The following TRABD2B variants were observed in gnomAD, a reference collection of about 807,000 sequenced individuals.
The protein encoded by TRABD2B is TraB domain containing 2B, also known as metalloprotease TIKI2.
TRABD2B carries 14 observed loss-of-function variants against 40.1 expected under a neutral mutation model. That is an observed-to-expected ratio of 0.35 (90% CI 0.23 to 0.55). The LOEUF (loss-of-function observed/expected upper bound fraction) is 0.55. TRABD2B is among the 20% of genes least tolerant of loss of function. TRABD2B has a pLI of 0.90. For synonymous variants in TRABD2B, 263 were observed against 277.0 expected (o/e 0.95, Z 0.50); for missense variants, 541 against 648.6 (o/e 0.83, Z 1.80).
At chr1:47,979,059 G>A (rs1351025985) in intron 2 of TRABD2B, among the ~76,000 whole-genome samples, 2 of 152,226 alleles carry the variant, frequency 1.3e-5, no homozygotes, top group African/African-American at 4.8e-5. Flanking sequence ...GTCAGAGCAC[G>A]AGGCTGAGAA....
At chr1:47,856,121 C>G (rs1643887330) in intron 2 of TRABD2B, among the ~76,000 whole-genome samples, 1 of 152,184 alleles carries the variant, frequency 6.6e-6, no homozygotes, top group African/African-American at 2.4e-5. Flanking sequence ...AAAGAAAGGC[C>G]CCTGAAATGC....
In TRABD2B at chr1:47,827,276, A is replaced by G. The variant is rs1210359713; in HGVS notation, c.667-25657T>C. 3.3e-5 allele frequency among the ~76,000 whole-genome samples: 5 copies of G among 152,378 alleles called. No individual in the cohort carries two copies. In the South Asian group the frequency reaches 8.3e-4, roughly 25 times the overall value. On this transcript the variant is annotated intron_variant, in intron 2 of 6. Coordinates refer to ENST00000606738, the MANE Select transcript of TRABD2B (RefSeq NM_001194986.2). ...AGGGCTCCGGAAACATGAATGCATCAGGGAAATCTGCAGGCAGTGCCGAAG... is the reference window on the plus strand; with the variant it reads ...AGGGCTCCGGAAACATGAATGCATCGGGGAAATCTGCAGGCAGTGCCGAAG...
At chr1:47,892,995 C>G (rs1392473306) in intron 2 of TRABD2B, among the ~76,000 whole-genome samples, 1 of 152,156 alleles carries the variant, frequency 6.6e-6, no homozygotes, top group Non-Finnish European at 1.5e-5. Context: ...GTGATTTATA[C>G]ACATTACAGA....
chr1:47,801,821 A>G, intron 2 of TRABD2B, among the ~76,000 whole-genome samples: 1 of 152,022 alleles, frequency 6.6e-6, no homozygotes, highest in East Asian at 1.9e-4. Context: ...GCCTGCTCTC[A>G]CCTCCAGCCC....
intron 2 of TRABD2B, among the ~76,000 whole-genome samples, chr1:47,932,975 T>C (rs1230628710): frequency 6.6e-6 from 1 of 152,160 alleles, no homozygotes; most frequent in East Asian, 1.9e-4. Flanking sequence ...GCAAACCTCT[T>C]TGAGTCTGAG....
chr1:47,775,942 G>A (rs1361686473), intron 5 of TRABD2B, among the ~76,000 whole-genome samples: 1 of 152,028 alleles, frequency 6.6e-6, no homozygotes, highest in African/African-American at 2.4e-5. Context: ...CGTCTCTGGG[G>A]CGTATCTGAG....
intron 2 of TRABD2B, among the ~76,000 whole-genome samples, chr1:47,954,144 G>A (rs780320378): frequency 1.2e-4 from 18 of 152,150 alleles, no homozygotes; most frequent in African/African-American, 3.4e-4. Context: ...TTCAAATCAC[G>A]GTAGAGATGG....
At chr1:47,776,961 T>C (rs922649232) in intron 5 of TRABD2B, among the ~76,000 whole-genome samples, 3 of 152,144 alleles carry the variant, frequency 2.0e-5, no homozygotes, top group Admixed American at 6.5e-5. Flanking sequence ...ATGGCTTTTA[T>C]TGTTGGAGCC....
At chr1:47,803,857 T>C (rs187596660) in intron 2 of TRABD2B, among the ~76,000 whole-genome samples, 1 of 152,340 alleles carries the variant, frequency 6.6e-6, no homozygotes, top group Admixed American at 6.5e-5. Context: ...GGCTGCTCAT[T>C]GAGTCCTTAA....
intron 2 of TRABD2B, among the ~76,000 whole-genome samples, chr1:47,841,900 T>C (rs1645402376): frequency 6.6e-6 from 1 of 151,558 alleles, no homozygotes; most frequent in Non-Finnish European, 1.5e-5. Flanking sequence ...GCTTCCTGAG[T>C]AGCTGGGATT....
chr1:47,805,625 A>G (rs1644881122), intron 2 of TRABD2B, among the ~76,000 whole-genome samples: 1 of 152,184 alleles, frequency 6.6e-6, no homozygotes, highest in Admixed American at 6.5e-5. Context: ...ATCCAGAATC[A>G]TGCGCACTTT....
chr1:47,964,418 G>A (rs1358757087), intron 2 of TRABD2B, among the ~76,000 whole-genome samples: 1 of 152,098 alleles, frequency 6.6e-6, no homozygotes, highest in Non-Finnish European at 1.5e-5. Flanking sequence ...CTGAAACACT[G>A]TATAAACATC....
chr1:47,797,963 C>G (rs934345991), intron 3 of TRABD2B, among the ~76,000 whole-genome samples: 1 of 152,092 alleles, frequency 6.6e-6, no homozygotes, highest in Non-Finnish European at 1.5e-5. Context: ...TAGTCAAATG[C>G]TCAGGTCTGC....
chr1:47,984,316 G>C (rs572542330), intron 2 of TRABD2B, among the ~76,000 whole-genome samples: 2 of 152,348 alleles, frequency 1.3e-5, no homozygotes, highest in Non-Finnish European at 2.9e-5. Flanking sequence ...ATCGAGTGAC[G>C]GGCGAGGACA....
chr1:47,919,399 A>T (rs1339306550), intron 2 of TRABD2B, among the ~76,000 whole-genome samples: 1 of 152,170 alleles, frequency 6.6e-6, no homozygotes, highest in African/African-American at 2.4e-5. Flanking sequence ...CCAAACAGCA[A>T]AGTCTATCTT....
intron 2 of TRABD2B, among the ~76,000 whole-genome samples, chr1:47,828,343 T>A (rs1347791144): frequency 6.6e-6 from 1 of 152,118 alleles, no homozygotes; most frequent in Non-Finnish European, 1.5e-5. Context: ...ACCAAGTCCC[T>A]GGCGTCCCCC....
chr1:47,800,964 C>T (rs1035427839), intron 3 of TRABD2B, among the ~76,000 whole-genome samples: 7 of 152,174 alleles, frequency 4.6e-5, no homozygotes, highest in African/African-American at 7.2e-5. Context: ...TCTTGGAATT[C>T]ACCATGAGAG....
intron 4 of TRABD2B, among the ~76,000 whole-genome samples, chr1:47,782,289 G>T (rs1305940400): frequency 1.3e-5 from 2 of 152,070 alleles, no homozygotes; most frequent in Non-Finnish European, 2.9e-5. Flanking sequence ...GTTCCCAGAG[G>T]CCCCCTGCTG....
At chr1:47,964,257 C>T (rs1160564448) in intron 2 of TRABD2B, among the ~76,000 whole-genome samples, 1 of 152,178 alleles carries the variant, frequency 6.6e-6, no homozygotes, top group East Asian at 1.9e-4. Flanking sequence ...GAGTCAGGCC[C>T]AAGGGGTCAA....
Sources: allele counts gnomAD v4.1 joint callset (sites outside exome capture counted in the v4.1 genomes callset), GRCh38; gene constraint gnomAD v4.1.1; transcripts MANE v1.5; gene names NCBI Gene and HGNC (gene_info 2026-07-23, HGNC 2026-07-21).